LPP: variants seen among roughly 807,000 people sequenced by gnomAD.
LPP encodes the protein lipoma-preferred partner.
A neutral mutation model predicts 60.4 loss-of-function variants in LPP; 38 were observed. The ratio of observed to expected loss-of-function variants is 0.63; its 90% confidence interval spans 0.49 to 0.83. The LOEUF is 0.83. Ranked by LOEUF, LPP falls within the 40% of genes least tolerant of loss-of-function variation. LPP has a pLI of 0.00. For missense variants in LPP, 902 were observed against 783.6 expected (o/e 1.15, Z -1.80); for synonymous variants, 328 against 290.8 (o/e 1.13, Z -1.30).
intron 4 of LPP, among the ~76,000 whole-genome samples, chr3:188,468,286 G>A (rs545182467): frequency 1.3e-5 from 2 of 152,268 alleles, no homozygotes; most frequent in African/African-American, 2.4e-5. Flanking sequence ...AAACTTTTCT[G>A]TAAATCTGGT....
chr3:188,597,395 C>A (rs767693460), intron 6 of LPP, among the ~76,000 whole-genome samples: 1 of 152,134 alleles, frequency 6.6e-6, no homozygotes, highest in African/African-American at 2.4e-5. Flanking sequence ...TGATAAGAAA[C>A]CCCTGAATGA....
chr3:188,587,557 T>C (rs1036462155), intron 6 of LPP, among the ~76,000 whole-genome samples: 3 of 152,240 alleles, frequency 2.0e-5, no homozygotes, highest in African/African-American at 7.2e-5. Context: ...TAATGTGGTC[T>C]GTTTCCAAAA....
intron 6 of LPP, among the ~76,000 whole-genome samples, chr3:188,604,351 A>G (rs62291685): frequency 0.13 from 20,035 of 152,168 alleles, 1,745 homozygotes; most frequent in East Asian, 0.36. Flanking sequence ...TTTTAAATGC[A>G]TTCGTCTCTT....
intron 6 of LPP, among the ~76,000 whole-genome samples, chr3:188,602,177 T>TATAAA (rs1841453647): frequency 8.7e-6 from 1 of 115,284 alleles, no homozygotes; most frequent in African/African-American, 3.2e-5. Context: ...ATATATATAT[T>TATAAA]ATATATATAT....
chr3:188,637,057 T>C (rs1430462028), intron 7 of LPP, among the ~76,000 whole-genome samples: 1 of 150,100 alleles, frequency 6.7e-6, no homozygotes, highest in Non-Finnish European at 1.5e-5. Context: ...CAACAGAATA[T>C]ACATTTTTTT....
At chr3:188,326,961 G>T (rs1280836343) in intron 2 of LPP, among the ~76,000 whole-genome samples, 1 of 151,960 alleles carries the variant, frequency 6.6e-6, no homozygotes, top group Non-Finnish European at 1.5e-5. Context: ...GTGACTTTTT[G>T]CCCAAACAAA....
At position 188,432,286 on chromosome 3, in the gene LPP, C is replaced by T. The variant is rs116008816; in HGVS notation, c.193+25973C>T. ...CATTTGCTCACTTCCAAAGTCTATA[C>T]AAAAATATTTGTTAAATGTGCATGT... On this transcript the variant is annotated intron_variant, in intron 4 of 11. Transcript: ENST00000617246. Among the ~76,000 whole-genome samples the T allele has an allele frequency of 7.4e-3, 1,125 of 152,208 alleles. 10 individuals carry two copies. Among genetic ancestry groups the T allele is most frequent in the African/African-American group, 0.025 (1,059 of 41,538 alleles).
At chr3:188,255,391 G>T in intron 2 of LPP, among the ~76,000 whole-genome samples, 1 of 152,210 alleles carries the variant, frequency 6.6e-6, no homozygotes, top group East Asian at 1.9e-4. Context: ...GTATACCCAT[G>T]AAATTGGTGC....
At chr3:188,263,163 T>C (rs1734277585) in intron 2 of LPP, among the ~76,000 whole-genome samples, 1 of 152,170 alleles carries the variant, frequency 6.6e-6, no homozygotes, top group Non-Finnish European at 1.5e-5. Flanking sequence ...TATTCCAATA[T>C]ACAAATCAAA....
chr3:188,412,955 G>T (rs1441947498), intron 4 of LPP, among the ~76,000 whole-genome samples: 1 of 152,086 alleles, frequency 6.6e-6, no homozygotes, highest in Non-Finnish European at 1.5e-5. Flanking sequence ...CAGAACCCAG[G>T]TTTCCTAAAT....
intron 7 of LPP, among the ~76,000 whole-genome samples, chr3:188,675,245 G>A (rs1857778047): frequency 6.6e-6 from 1 of 152,190 alleles, no homozygotes; most frequent in Non-Finnish European, 1.5e-5. Flanking sequence ...AGCCAGTGTG[G>A]GCTAGGGTAT....
intron 8 of LPP, among the ~76,000 whole-genome samples, chr3:188,718,882 A>G (rs1463920573): frequency 1.3e-5 from 2 of 152,320 alleles, no homozygotes; most frequent in Admixed American, 6.5e-5. Context: ...AGAGACTAGG[A>G]AAACCTCTTC....
chr3:188,733,865 T>C (rs534140769), intron 8 of LPP, among the ~76,000 whole-genome samples: 56 of 152,346 alleles, frequency 3.7e-4, no homozygotes, highest in Non-Finnish European at 6.8e-4. Context: ...TTGTCTACTG[T>C]TGTTACTATG....
intron 2 of LPP, among the ~76,000 whole-genome samples, chr3:188,308,493 C>T (rs191482474): frequency 1.8e-4 from 27 of 152,276 alleles, no homozygotes; most frequent in East Asian, 1.2e-3. Context: ...TGTGACCCAT[C>T]TGAAAATTGA....
At chr3:188,862,736 T>TA (rs1351683983) in intron 9 of LPP, among the ~76,000 whole-genome samples, 2 of 114,672 alleles carry the variant, frequency 1.7e-5, no homozygotes, top group African/African-American at 3.3e-5. Context: ...AATAAATAAA[T>TA]AAAAGAAAAA....
intron 7 of LPP, among the ~76,000 whole-genome samples, chr3:188,680,710 A>G (rs1859294343): frequency 6.6e-6 from 1 of 152,238 alleles, no homozygotes. Flanking sequence ...CACACCCAAC[A>G]GAGGAAGATG....
chr3:188,724,796 TC>T (rs1717749160), intron 8 of LPP, among the ~76,000 whole-genome samples: 1 of 152,232 alleles, frequency 6.6e-6, no homozygotes, highest in Admixed American at 6.5e-5. Flanking sequence ...CTTTTAACGA[TC>T]CATGCCTATG....
At chr3:188,631,162 CT>C (rs1474188564) in intron 7 of LPP, among the ~76,000 whole-genome samples, 3 of 151,936 alleles carry the variant, frequency 2.0e-5, no homozygotes, top group African/African-American at 4.8e-5. Context: ...CATGTATCCC[CT>C]GAAACAAAAA....
At chr3:188,330,218 GA>G (rs559414251) in intron 2 of LPP, among the ~76,000 whole-genome samples, 180 of 152,334 alleles carry the variant, frequency 1.2e-3, no homozygotes, top group Admixed American at 1.6e-3. Flanking sequence ...AGTGGACTTA[GA>G]ATACTACATG....
Sources: gnomAD v4.1 joint callset for allele counts (sites outside exome capture counted in the v4.1 genomes callset) on GRCh38, gnomAD v4.1.1 for gene constraint, MANE v1.5 for transcripts, NCBI Gene and HGNC (gene_info 2026-07-23, HGNC 2026-07-21) for gene names.